Variants in CMSS1 observed in about 807,000 individuals in gnomAD.
The protein encoded by CMSS1 is cms1 ribosomal small subunit homolog, also known as protein CMSS1.
In CMSS1, 33 loss-of-function variants were observed where a neutral mutation model predicts 43.5. The ratio of observed to expected loss-of-function variants is 0.76; its 90% CI spans 0.57 to 1.01. The LOEUF (loss-of-function observed/expected upper bound fraction) is 1.01, where lower values mean the gene tolerates loss of function less well. Among genes scored for constraint, CMSS1 ranks in the 50% least tolerant of loss-of-function variants. The probability of loss-of-function intolerance (pLI) is 0.00; values close to 1 mark genes in which losing one functional copy is unlikely to be tolerated. For synonymous variants in CMSS1, 115 were observed against 117.2 expected (o/e 0.98, Z 0.12); for missense variants, 313 against 326.4 (o/e 0.96, Z 0.32).
chr3:99,830,634 A>G (rs183661746), intron 1 of CMSS1: 67 of 456,112 alleles, frequency 1.5e-4, no homozygotes, highest in African/African-American at 1.1e-3. Flanking sequence ...ACAAAAGGTA[A>G]TTAATGGTAC....
At chr3:99,916,328 C>G (rs971255535) in intron 1 of CMSS1, among the ~76,000 whole-genome samples, 9 of 152,214 alleles carry the variant, frequency 5.9e-5, no homozygotes, top group Non-Finnish European at 8.8e-5. Flanking sequence ...GCTTTCAGGT[C>G]TTTCGGCTAC....
At position 99,929,859 on chromosome 3, in the gene CMSS1, A is replaced by C. The variant is rs945749229; in HGVS notation, c.64+111816A>C. On this transcript the variant is annotated intron_variant, in intron 1 of 9. Coordinates refer to ENST00000421999, the MANE Select transcript of CMSS1 (RefSeq NM_032359.4). Reference sequence around the variant, plus strand: ...ACACCCCTATTGTGGTACATACCTCATTCATTGGTTTCTCATAGATGTCCT... The same window carrying C: ...ACACCCCTATTGTGGTACATACCTCCTTCATTGGTTTCTCATAGATGTCCT... 2 of 1,611,146 alleles carry C rather than the reference A, an allele frequency of 1.2e-6. No individual in the cohort carries two copies. The highest frequency in any genetic ancestry group is 2.7e-5 in the African/African-American group (2 of 74,830).
chr3:99,911,199 ATT>A (rs1559685088), intron 1 of CMSS1, among the ~76,000 whole-genome samples: 7 of 152,004 alleles, frequency 4.6e-5, no homozygotes, highest in African/African-American at 1.7e-4. Flanking sequence ...CTTCAATCCT[ATT>A]TGGCTGTAAA....
At chr3:100,052,841 T>A (rs1381502205) in intron 1 of CMSS1, among the ~76,000 whole-genome samples, 2 of 152,234 alleles carry the variant, frequency 1.3e-5, no homozygotes, top group African/African-American at 4.8e-5. Context: ...ATATTTGATC[T>A]TGTTTTTAAA....
intron 1 of CMSS1, among the ~76,000 whole-genome samples, chr3:100,116,736 T>C (rs2066574349): frequency 6.6e-6 from 1 of 152,202 alleles, no homozygotes; most frequent in Non-Finnish European, 1.5e-5. Flanking sequence ...TTTAACCCTT[T>C]CCATATTTGT....
chr3:99,874,164 C>T (rs543615438), intron 1 of CMSS1: 6 of 152,046 alleles, frequency 3.9e-5, no homozygotes, highest in African/African-American at 1.4e-4. Flanking sequence ...TTTAAAAAAT[C>T]GATGCTTGCC....
Position 100,172,302 on chromosome 3 carries a change from T to C in CMSS1, c.580-14T>C. 1 of 1,611,128 alleles carries C rather than the reference T, an allele frequency of 6.2e-7. No homozygotes were observed. Among genetic ancestry groups the C allele is most frequent in the Non-Finnish European group, 8.5e-7 (1 of 1,178,156 alleles). On this transcript the variant is annotated splice_polypyrimidine_tract_variant and intron_variant, in intron 7 of 9. Transcript: ENST00000421999. ...ATGACTTCCTTTTCTTTCTTCTCTT[T>C]CATCTTGGAACAGGTCCAGGCGCAG...
intron 2 of CMSS1, chr3:100,159,722 TC>T (rs1281822953): frequency 3.9e-6 from 1 of 256,022 alleles, no homozygotes; most frequent in Non-Finnish European, 8.1e-6. Flanking sequence ...AGTCCAAATT[TC>T]CTGTTTTTCT....
chr3:100,054,044 G>A (rs2065419825), intron 1 of CMSS1, among the ~76,000 whole-genome samples: 1 of 152,200 alleles, frequency 6.6e-6, no homozygotes, highest in Non-Finnish European at 1.5e-5. Context: ...GCTTTGAAGA[G>A]CTACATTATT....
intron 1 of CMSS1, among the ~76,000 whole-genome samples, chr3:100,052,284 A>G (rs1441354058): frequency 6.6e-6 from 1 of 152,228 alleles, no homozygotes; most frequent in African/African-American, 2.4e-5. Context: ...CAGTCCAGAA[A>G]CGAATAAAAA....
intron 1 of CMSS1, among the ~76,000 whole-genome samples, chr3:100,017,805 G>A (rs1038870681): frequency 2.6e-5 from 4 of 152,140 alleles, no homozygotes; most frequent in Non-Finnish European, 4.4e-5. Context: ...CCGACCTTCA[G>A]TGCTCCTGGT....
At chr3:100,089,103 C>G (rs2066061128) in intron 1 of CMSS1, among the ~76,000 whole-genome samples, 1 of 152,138 alleles carries the variant, frequency 6.6e-6, no homozygotes, top group Admixed American at 6.5e-5. Context: ...ATTTCCCTAC[C>G]AGTAAAGTAT....
chr3:100,110,500 T>C (rs560588626), intron 1 of CMSS1, among the ~76,000 whole-genome samples: 1 of 152,078 alleles, frequency 6.6e-6, no homozygotes, highest in South Asian at 2.1e-4. Flanking sequence ...AAGCCACAAA[T>C]AGAGAAAAAA....
intron 1 of CMSS1, among the ~76,000 whole-genome samples, chr3:100,030,452 TA>T (rs1309352150): frequency 1.3e-5 from 2 of 152,134 alleles, no homozygotes; most frequent in Non-Finnish European, 2.9e-5. Flanking sequence ...TGTAATAGGG[TA>T]ATGATTCGTC....
At chr3:100,024,317 AT>A (rs2064879686) in intron 1 of CMSS1, among the ~76,000 whole-genome samples, 1 of 152,132 alleles carries the variant, frequency 6.6e-6, no homozygotes, top group Non-Finnish European at 1.5e-5. Context: ...CATGTTAATT[AT>A]ACCTTAGTGA....
chr3:100,174,698 G>C (rs114731438), intron 8 of CMSS1, among the ~76,000 whole-genome samples: 2,414 of 152,264 alleles, frequency 0.016, 37 homozygotes, highest in Non-Finnish European at 0.024. Flanking sequence ...ATATGTAGCT[G>C]TTTATGACTT....
In CMSS1 at chr3:99,964,973, G is replaced by C. The variant is rs1708605877; in HGVS notation, c.64+146930G>C. Among the ~76,000 whole-genome samples, 3 of 152,192 alleles carry C rather than the reference G, an allele frequency of 2.0e-5. No individual in the cohort carries two copies. The South Asian group carries it at 6.2e-4, about 32-fold the overall frequency. ...TGTTCTTCAAACCAAAAAGAAACAT[G>C]ATCCTTTTCATTGTATTTCTTGAAG... On this transcript the variant is annotated intron_variant, in intron 1 of 9. Transcript: ENST00000421999.
intron 1 of CMSS1, among the ~76,000 whole-genome samples, chr3:99,991,159 C>T (rs1225600458): frequency 6.6e-6 from 1 of 152,118 alleles, no homozygotes. Context: ...CATTCTCATT[C>T]GATTTGCAGT....
intron 1 of CMSS1, among the ~76,000 whole-genome samples, chr3:99,858,178 C>T (rs769781335): frequency 2.0e-5 from 3 of 152,216 alleles, no homozygotes; most frequent in South Asian, 4.1e-4. Context: ...TAAAAATACT[C>T]ATTAGTGCCA....
Sources: gnomAD v4.1 joint callset for allele counts (sites outside exome capture counted in the v4.1 genomes callset) on GRCh38, gnomAD v4.1.1 for gene constraint, MANE v1.5 for transcripts, NCBI Gene and HGNC (gene_info 2026-07-23, HGNC 2026-07-21) for gene names.